USP9X: variants seen among roughly 807,000 people sequenced by gnomAD.
The protein encoded by USP9X is ubiquitin specific peptidase 9 X-linked, also known as ubiquitin carboxyl-terminal hydrolase 9X.
In USP9X, 7 loss-of-function variants were observed where a neutral mutation model predicts 190.3. The observed-to-expected ratio is 0.04, with a 90% CI of 0.02 to 0.07. USP9X has a LOEUF of 0.07. Among genes scored for constraint, USP9X ranks in the 10% least tolerant of loss-of-function variants. The pLI, the probability that USP9X is intolerant of heterozygous loss-of-function variation, is 1.00. For missense variants in USP9X, 1,010 were observed against 1,916.9 expected (o/e 0.53, Z 8.83); for synonymous variants, 645 against 659.5 (o/e 0.98, Z 0.34).
At chrX:41,217,087 G>A (rs1355856179) in intron 35 of USP9X, 133 bp from the exon 36 acceptor site, 14 of 679,296 alleles carry the variant, frequency 2.1e-5, no homozygotes, top group Admixed American at 8.8e-5. Flanking sequence ...AAAATAAATG[G>A]GTCTAAATTA....
In USP9X at chrX:41,143,463, G is replaced by A. The variant is rs1482801181; in HGVS notation, c.1314+20G>A. 8.8e-7 allele frequency: 1 copy of A among 1,136,061 alleles called. No individual in the cohort carries two copies. The highest frequency in any genetic ancestry group is 2.3e-5 in the South Asian group (1 of 43,767). The allele number at this position is 1,136,061 out of a possible 1,213,427, so 93.6% of individuals were successfully genotyped here. On this transcript the variant is annotated intron_variant, in intron 10 of 44. Coordinates refer to ENST00000378308, the MANE Select transcript of USP9X (RefSeq NM_001039591.3). ...GCACAGGTAAGGAATTTAAGATGAT[G>A]GCTATTTAGTTTTTAAAATAAAGAT...
In USP9X at chrX:41,235,059, CAT is replaced by C. The variant is rs1272366134; in HGVS notation, c.*2539_*2540del. 3 of 111,481 alleles carry C rather than the reference CAT, an allele frequency of 2.7e-5. No homozygotes were observed. The highest frequency in any genetic ancestry group is 9.8e-5 in the African/African-American group (3 of 30,559). 9.2% of individuals were successfully genotyped at this position (111,481 alleles called of 1,213,427 possible). ...ACTTCCTAGTTGAGAGAAAACTTGA[CAT>C]ATAAAAGGCTGTGAATTTTTCTGCT... is the stretch of plus-strand genomic sequence containing the variant. On this transcript the variant is annotated 3_prime_UTR_variant, in exon 45 of 45. Transcript: ENST00000378308.
chrX:41,212,492 A>T, intron 33 of USP9X, among the ~76,000 whole-genome samples: 1 of 109,622 alleles, frequency 9.1e-6, no homozygotes, highest in Non-Finnish European at 1.9e-5. Context: ...AAAAATAAAA[A>T]TAAAAAAAGA....
At position 41,216,663 on chromosome X, in the gene USP9X, AGAG is replaced by A. The variant is rs2063214651; in HGVS notation, c.6085+12_6085+14del. On this transcript the variant is annotated intron_variant, in intron 35 of 44. Coordinates refer to ENST00000378308, the MANE Select transcript of USP9X (RefSeq NM_001039591.3). ...TAAACCCTCCTCCCGGTGAGTATCA[AGAG>A]AGTTTAGCTTCTTAGTAATAAAGAA... 4 of 1,186,330 alleles carry A rather than the reference AGAG, an allele frequency of 3.4e-6. No homozygotes were observed. The highest frequency in any genetic ancestry group is 1.8e-5 in the African/African-American group (1 of 56,368).
At chrX:41,125,684 A>ACACACACACT in intron 2 of USP9X, among the ~76,000 whole-genome samples, 204 of 19,016 alleles carry the variant, frequency 0.011, 3 homozygotes, top group Non-Finnish European at 0.015. Flanking sequence ...ACACACACAC[A>ACACACACACT]CTCTCTCTCT....
At chrX:41,102,829 C>T (rs1239037020) in intron 1 of USP9X, among the ~76,000 whole-genome samples, 1 of 107,180 alleles carries the variant, frequency 9.3e-6, no homozygotes, top group Non-Finnish European at 1.9e-5. Flanking sequence ...GTCTTGCTCT[C>T]TCACCCAGGC....
chrX:41,109,735 T>C (rs1303160549), intron 1 of USP9X, among the ~76,000 whole-genome samples: 1 of 104,570 alleles, frequency 9.6e-6, no homozygotes, highest in African/African-American at 3.4e-5. Context: ...ATTGATTGGA[T>C]TTAAAGCTGT....
chrX:41,203,999 A>G (rs1250663686), intron 31 of USP9X, among the ~76,000 whole-genome samples: 1 of 111,745 alleles, frequency 8.9e-6, no homozygotes, highest in Non-Finnish European at 1.9e-5. Context: ...TATGCGGCCA[A>G]ATTTTTTGAG....
chrX:41,222,341 A>C (rs1237807279), intron 38 of USP9X, among the ~76,000 whole-genome samples: 1 of 110,779 alleles, frequency 9.0e-6, no homozygotes, highest in Non-Finnish European at 1.9e-5. Flanking sequence ...TCAGGAATCC[A>C]GGGAGGAAGA....
At position 41,234,630 on chromosome X, in the gene USP9X, T is replaced by A. The variant is rs1346548506; in HGVS notation, c.*2106T>A. The A allele has an allele frequency of 8.9e-6, 1 of 112,144 alleles. No homozygotes were observed. The highest frequency in any genetic ancestry group is 1.9e-5 in the Non-Finnish European group (1 of 53,196). The allele number at this position is 112,144 out of a possible 1,213,427, so 9.2% of individuals were successfully genotyped here. A position where few individuals can be genotyped will look rare whatever the true frequency, so the allele number is the denominator to read the frequency against. On this transcript the variant is annotated 3_prime_UTR_variant, in exon 45 of 45. Transcript: ENST00000378308. ...AGGCTGGAGTGCAGTGGCACAATCT[T>A]GGCTCACTGCAACGTCGCCTCCTGG...
intron 1 of USP9X, among the ~76,000 whole-genome samples, chrX:41,114,067 G>A (rs370347009): frequency 4.4e-5 from 5 of 112,520 alleles, no homozygotes; most frequent in African/African-American, 1.6e-4. Context: ...GTAAGTATCC[G>A]ATGAAAATAT....
intron 1 of USP9X, among the ~76,000 whole-genome samples, chrX:41,101,708 T>C (rs955952608): frequency 1.8e-5 from 2 of 112,358 alleles, no homozygotes; most frequent in Admixed American, 9.4e-5. Flanking sequence ...ATAATGACTT[T>C]AGAGGATACT....
Position 41,183,976 on chromosome X carries a change from ACTGT to A in USP9X, c.3149-19_3149-16del, listed in dbSNP as rs768640159. ...ATGAACACATGAATTACATTTTCAC[ACTGT>A]CTCTTTTTTTCCTCCAGATAGCACA... On this transcript the variant is annotated intron_variant, in intron 21 of 44. Transcript: ENST00000378308. 7.5e-6 allele frequency: 9 copies of A among 1,194,213 alleles called. No individual in the cohort carries two copies. The highest frequency in any genetic ancestry group is 1.0e-5 in the Non-Finnish European group (9 of 888,847).
At chrX:41,139,863 A>G (rs1490438424) in intron 6 of USP9X, among the ~76,000 whole-genome samples, 1 of 111,816 alleles carries the variant, frequency 8.9e-6, no homozygotes, top group Non-Finnish European at 1.9e-5. Context: ...AACATGGCCT[A>G]AATTTTAGAA....
Position 41,122,098 on chromosome X carries a change from T to G in USP9X, c.-158-1373T>G, listed in dbSNP as rs1046774320. On this transcript the variant is annotated intron_variant, in intron 1 of 44. Transcript: ENST00000378308. The stretch of plus-strand genomic sequence containing the variant: ...AATTTTACCAGAGGTTTTTGGGGGG[T>G]TTTCAGGGTTTTTTGTTTGTAGGGG... 8.3e-5 allele frequency among the ~76,000 whole-genome samples: 9 copies of G among 108,967 alleles called. No individual in the cohort carries two copies. In the South Asian group the frequency reaches 3.6e-3, roughly 44 times the overall value. The allele number at this position is 108,967 out of a possible 115,157, so 94.6% of individuals were successfully genotyped here. A position where few individuals can be genotyped will look rare whatever the true frequency, so the allele number is the denominator to read the frequency against.
chrX:41,161,757 T>C (rs1327839172), intron 14 of USP9X, among the ~76,000 whole-genome samples: 1 of 100,107 alleles, frequency 1.0e-5, no homozygotes, highest in East Asian at 3.1e-4. Flanking sequence ...TCCTCTCACT[T>C]TTTTTTTTTT....
intron 24 of USP9X, among the ~76,000 whole-genome samples, chrX:41,186,892 T>C (rs757197962): frequency 1.4e-4 from 15 of 109,426 alleles, no homozygotes; most frequent in African/African-American, 5.0e-4. Flanking sequence ...TGTGGTGCTA[T>C]CTCGGCTCAC....
intron 2 of USP9X, among the ~76,000 whole-genome samples, chrX:41,125,684 A>ACACACACACACACACACACACTCTCT: frequency 3.2e-4 from 6 of 19,023 alleles, no homozygotes; most frequent in Non-Finnish European, 4.5e-4. Flanking sequence ...ACACACACAC[A>ACACACACACACACACACACACTCTCT]CTCTCTCTCT....
intron 18 of USP9X, among the ~76,000 whole-genome samples, chrX:41,168,633 C>T (rs2062698376): frequency 1.8e-5 from 2 of 112,199 alleles, no homozygotes; most frequent in South Asian, 3.6e-4. Flanking sequence ...GCTGGGGCTA[C>T]AGGCACAGGC....
Sources: gnomAD v4.1 joint callset for allele counts (sites outside exome capture counted in the v4.1 genomes callset) on GRCh38, gnomAD v4.1.1 for gene constraint, MANE v1.5 for transcripts, NCBI Gene and HGNC (gene_info 2026-07-23, HGNC 2026-07-21) for gene names.